The following ARHGAP32 variants were observed in gnomAD, a reference collection of about 807,000 sequenced individuals.
The protein encoded by ARHGAP32 is Rho GTPase activating protein 32.
Under a neutral mutation model 186.5 loss-of-function variants are expected in ARHGAP32, and 51 were observed. The ratio of observed to expected loss-of-function variants is 0.27; its 90% confidence interval spans 0.22 to 0.35. The LOEUF (loss-of-function observed/expected upper bound fraction) is 0.35, where lower values mean the gene tolerates loss of function less well. ARHGAP32 is among the 10% of genes least tolerant of loss of function. The probability of loss-of-function intolerance (pLI) is 1.00; values close to 1 mark genes in which losing one functional copy is unlikely to be tolerated. For missense variants in ARHGAP32, 2,186 were observed against 2,623.5 expected (o/e 0.83, Z 3.64); for synonymous variants, 950 against 964.3 (o/e 0.99, Z 0.27).
chr11:129,029,558 C>G (rs1418562994), intron 11 of ARHGAP32, among the ~76,000 whole-genome samples: 1 of 152,236 alleles, frequency 6.6e-6, no homozygotes, highest in East Asian at 1.9e-4. Flanking sequence ...AATCCCAGCA[C>G]TTTGGGAGGC....
At chr11:129,104,643 T>C (rs1258222860) in intron 5 of ARHGAP32, among the ~76,000 whole-genome samples, 24 of 150,594 alleles carry the variant, frequency 1.6e-4, no homozygotes, top group Non-Finnish European at 2.5e-4. Flanking sequence ...AGAGAGAACA[T>C]TTCAGAAAAA....
At chr11:129,249,636 C>T (rs1419250810) in intron 1 of ARHGAP32, among the ~76,000 whole-genome samples, 1 of 152,022 alleles carries the variant, frequency 6.6e-6, no homozygotes, top group African/African-American at 2.4e-5. Context: ...TGAAGGGCTG[C>T]AATTCAAGAG....
intron 6 of ARHGAP32, among the ~76,000 whole-genome samples, chr11:129,084,882 T>C (rs1171293369): frequency 2.0e-5 from 3 of 152,170 alleles, no homozygotes; most frequent in Non-Finnish European, 4.4e-5. Context: ...GGATTATCTA[T>C]ACAGAAAATC....
chr11:129,179,245 T>C (rs12576393), intron 1 of ARHGAP32, among the ~76,000 whole-genome samples: 5,122 of 152,296 alleles, frequency 0.034, 259 homozygotes, highest in East Asian at 0.17. Context: ...CACAGTGAGA[T>C]ACCATCTCAC....
chr11:129,070,300 C>T (rs760402673), intron 6 of ARHGAP32, among the ~76,000 whole-genome samples: 6 of 152,004 alleles, frequency 3.9e-5, no homozygotes, highest in Non-Finnish European at 7.4e-5. Flanking sequence ...TTAGCTATCA[C>T]TATTGGTATT....
rs1201613455 is a variant in ARHGAP32, at chr11:128,972,742, G to A, written c.3764C>T (p.Pro1255Leu). 6.2e-7 allele frequency: 1 copy of A among 1,614,004 alleles called. No homozygotes were observed. Among genetic ancestry groups the A allele is most frequent in the Non-Finnish European group, 8.5e-7 (1 of 1,180,012 alleles). Residue 1255 changes from proline (P) to leucine (L), a missense_variant, in exon 22 of 23, where the codon CCT (proline) becomes CTT (leucine). Physicochemically the swap from Pro to Leu is moderately conservative, Grantham distance 98. Around this residue, in one of 5 missense-constraint regions of ARHGAP32, gnomAD observed 1,502 missense variants for 1,570.0 expected, o/e 0.96. Coordinates refer to ENST00000682385, the MANE Select transcript of ARHGAP32 (RefSeq NM_001378024.1). The part of the protein sequence containing the change: ...ADKSPTPPNL[P>L]SDKIYPPSGS... Reference sequence around the variant, plus strand: ...AGAAGGAGGGTAGATTTTATCGCTAGGTAAATTAGGAGGTGTGGGAGATTT... The same window carrying A: ...AGAAGGAGGGTAGATTTTATCGCTAAGTAAATTAGGAGGTGTGGGAGATTT...
At chr11:129,145,131 A>G (rs1048338978) in intron 2 of ARHGAP32, among the ~76,000 whole-genome samples, 1 of 152,146 alleles carries the variant, frequency 6.6e-6, no homozygotes, top group Non-Finnish European at 1.5e-5. Flanking sequence ...AACAATGTAT[A>G]TAATTTTACC....
At chr11:129,101,901 T>C (rs747438066) in intron 5 of ARHGAP32, among the ~76,000 whole-genome samples, 1 of 152,138 alleles carries the variant, frequency 6.6e-6, no homozygotes, top group African/African-American at 2.4e-5. Context: ...AGACACATAA[T>C]TGTCAGATTC....
At chr11:129,174,147 G>A (rs1176353397) in intron 1 of ARHGAP32, among the ~76,000 whole-genome samples, 4 of 152,208 alleles carry the variant, frequency 2.6e-5, no homozygotes, top group African/African-American at 2.4e-5. Context: ...GAGGGTCAGG[G>A]AGTTCCCTTT....
chr11:129,274,384 G>A (rs1945507186), intron 1 of ARHGAP32, among the ~76,000 whole-genome samples: 1 of 152,182 alleles, frequency 6.6e-6, no homozygotes, highest in African/African-American at 2.4e-5. Context: ...CTTTCCAGGT[G>A]CTGTTCCCTG....
chr11:129,195,420 G>A (rs1297403310), upstream of ARHGAP32, among the ~76,000 whole-genome samples: 5 of 152,284 alleles, frequency 3.3e-5, no homozygotes, highest in East Asian at 7.7e-4. Context: ...ACAGAATACT[G>A]AAGGACAGTT....
chr11:129,005,062 T>C (rs1184503251), intron 11 of ARHGAP32, among the ~76,000 whole-genome samples: 4 of 152,120 alleles, frequency 2.6e-5, no homozygotes, highest in Non-Finnish European at 5.9e-5. Flanking sequence ...TTTGAGTTTA[T>C]CATGAGGCTT....
At chr11:129,102,418 A>C (rs1268317173) in intron 5 of ARHGAP32, among the ~76,000 whole-genome samples, 1 of 152,228 alleles carries the variant, frequency 6.6e-6, no homozygotes, top group African/African-American at 2.4e-5. Context: ...AACTGGATAA[A>C]GAACCAAGAC....
At chr11:128,980,361 A>G in intron 18 of ARHGAP32, 192 bp downstream of exon 18, 1 of 448,442 alleles carries the variant, frequency 2.2e-6, no homozygotes, top group Non-Finnish European at 3.9e-6. Flanking sequence ...TGACATTGTA[A>G]AGCAAGAATC....
intron 1 of ARHGAP32, among the ~76,000 whole-genome samples, chr11:129,236,817 G>C (rs1944943070): frequency 6.6e-6 from 1 of 152,168 alleles, no homozygotes; most frequent in Non-Finnish European, 1.5e-5. Context: ...AGGCATCCCT[G>C]TCTTGTTCCA....
intron 1 of ARHGAP32, among the ~76,000 whole-genome samples, chr11:129,258,490 G>A (rs964732450): frequency 1.3e-5 from 2 of 151,862 alleles, no homozygotes; most frequent in Admixed American, 6.6e-5. Context: ...TTCCAGCTCC[G>A]AGCTCCCACT....
At chr11:128,994,336 G>A (rs920050315) in intron 12 of ARHGAP32, among the ~76,000 whole-genome samples, 1 of 151,084 alleles carries the variant, frequency 6.6e-6, no homozygotes, top group African/African-American at 2.4e-5. Context: ...TGTATTTTTA[G>A]TAGAGACAGG....
chr11:129,052,129 G>A (rs376290697), intron 10 of ARHGAP32, among the ~76,000 whole-genome samples: 4 of 152,034 alleles, frequency 2.6e-5, no homozygotes, highest in Admixed American at 6.5e-5. Flanking sequence ...CTTTGGAGAC[G>A]TCTGGATATC....
intron 2 of ARHGAP32, among the ~76,000 whole-genome samples, chr11:129,136,548 G>A (rs183502647): frequency 1.3e-5 from 2 of 152,004 alleles, no homozygotes; most frequent in East Asian, 3.9e-4. Context: ...ACAATAGCAA[G>A]GAAGTGGAAA....
Sources: allele counts gnomAD v4.1 joint callset (sites outside exome capture counted in the v4.1 genomes callset), GRCh38; gene constraint gnomAD v4.1.1; regional missense constraint gnomAD v4.1.1; transcripts MANE v1.5; gene names NCBI Gene and HGNC (gene_info 2026-07-23, HGNC 2026-07-21).